The following PCDHA4 variants were observed in gnomAD, a reference collection of about 807,000 sequenced individuals.
PCDHA4 encodes the protein protocadherin alpha 4, also known as protocadherin alpha-4.
Under a neutral mutation model 61.4 loss-of-function variants are expected in PCDHA4, and 49 were observed. The observed-to-expected ratio is 0.80, with a 90% CI of 0.63 to 1.01. The LOEUF (loss-of-function observed/expected upper bound fraction) is 1.01, where lower values mean the gene tolerates loss of function less well. Among genes scored for constraint, PCDHA4 ranks in the 50% least tolerant of loss-of-function variants. The probability of loss-of-function intolerance (pLI) is 0.00; values close to 1 mark genes in which losing one functional copy is unlikely to be tolerated. For synonymous variants in PCDHA4, 590 were observed against 550.3 expected (o/e 1.07, Z -1.01); for missense variants, 1,254 against 1,235.8 (o/e 1.01, Z -0.22).
intron 1 of PCDHA4, chr5:140,823,555 C>A: frequency 6.2e-7 from 1 of 1,613,846 alleles, no homozygotes; most frequent in Non-Finnish European, 8.5e-7. Flanking sequence ...GGCGAAGGTG[C>A]GCGCAGTGGA....
chr5:140,809,353 G>T lies in PCDHA4; in HGVS notation c.2166G>T (p.Arg722=). The T allele has an allele frequency of 6.2e-7, 1 of 1,614,034 alleles. No homozygotes were observed. Among genetic ancestry groups the T allele is most frequent in the South Asian group, 1.1e-5 (1 of 91,078 alleles). ...CGCTGCTGCTGTACACCGCGCTGCG[G>T]TGCTCTGCGCTGCCCACCGAGGGCG... The part of the protein sequence containing the change: ...VLTLLLYTAL[R]CSALPTEGAC... Residue 722 remains arginine, a synonymous_variant, in exon 1 of 4, where the codon CGG becomes CGT. Coordinates refer to ENST00000530339, the MANE Select transcript of PCDHA4 (RefSeq NM_018907.4).
chr5:140,846,187 T>C (rs1336642667), intron 1 of PCDHA4, among the ~76,000 whole-genome samples: 1 of 149,366 alleles, frequency 6.7e-6, no homozygotes, highest in Non-Finnish European at 1.5e-5. Flanking sequence ...GGCGTTTGAG[T>C]TCTTTGTATG....
intron 1 of PCDHA4, chr5:140,835,976 G>T: frequency 6.2e-7 from 1 of 1,613,312 alleles, no homozygotes; most frequent in Non-Finnish European, 8.5e-7. Flanking sequence ...TGGAGCTGTT[G>T]CAGTTCCAGG....
chr5:140,837,617 C>T (rs1249058339), intron 1 of PCDHA4, among the ~76,000 whole-genome samples: 2 of 146,230 alleles, frequency 1.4e-5, no homozygotes, highest in Non-Finnish European at 3.0e-5. Flanking sequence ...TAATTTGCCC[C>T]TTCCTTCCTT....
At chr5:140,827,936 C>T (rs1554130932) in intron 1 of PCDHA4, 4 of 1,115,020 alleles carry the variant, frequency 3.6e-6, no homozygotes, top group Non-Finnish European at 5.1e-6. Context: ...GAAGTTATAG[C>T]TAGCCAACAT....
At chr5:140,916,596 G>A (rs1482287916) in intron 1 of PCDHA4, among the ~76,000 whole-genome samples, 3 of 152,194 alleles carry the variant, frequency 2.0e-5, no homozygotes, top group Non-Finnish European at 4.4e-5. Context: ...GCTAGGGCCT[G>A]GAATGCGGGC....
At chr5:140,995,060 A>C (rs1424126097) in intron 3 of PCDHA4, among the ~76,000 whole-genome samples, 2 of 152,204 alleles carry the variant, frequency 1.3e-5, no homozygotes, top group African/African-American at 2.4e-5. Context: ...AATTTTCAAA[A>C]ATCAACCTAC....
intron 1 of PCDHA4, chr5:140,825,461 A>T (rs1460892772): frequency 6.7e-6 from 1 of 149,438 alleles, no homozygotes; most frequent in Non-Finnish European, 1.5e-5. Context: ...AGATATTTTG[A>T]TACAGAATTT....
At chr5:141,000,389 CTCTCTCTATA>C (rs1363755181) in intron 3 of PCDHA4, among the ~76,000 whole-genome samples, 150 of 62,510 alleles carry the variant, frequency 2.4e-3, no homozygotes, top group African/African-American at 5.3e-3. Context: ...CTCTCTCTCT[CTCTCTCTATA>C]TATATATATA....
At chr5:140,920,746 A>AG (rs1190651507) in intron 1 of PCDHA4, among the ~76,000 whole-genome samples, 2 of 151,430 alleles carry the variant, frequency 1.3e-5, no homozygotes, top group African/African-American at 4.8e-5. Context: ...CAGGAGGCTG[A>AG]GGCAGGAGAA....
intron 1 of PCDHA4, among the ~76,000 whole-genome samples, chr5:140,960,656 G>T (rs553083977): frequency 1.3e-5 from 2 of 152,218 alleles, no homozygotes; most frequent in Admixed American, 1.3e-4. Context: ...CCAAATCAAT[G>T]AATGCTTTGG....
In PCDHA4 at chr5:140,858,841, A is replaced by G. The variant is rs1390112804; in HGVS notation, c.2385+49269A>G. The G allele has an allele frequency of 1.6e-5, 5 of 314,504 alleles. No homozygotes were observed. The East Asian group carries it at 3.7e-4, about 23-fold the overall frequency. 19.5% of individuals were successfully genotyped at this position (314,504 alleles called of 1,614,324 possible). A position where few individuals can be genotyped will look rare whatever the true frequency, so the allele number is the denominator to read the frequency against. ...TGTATTTGCATTACCAAAAAATTCC[A>G]CTGATCTATATCTCTTCAGTGAAAA... On this transcript the variant is annotated intron_variant, in intron 1 of 3. Coordinates refer to ENST00000530339, the MANE Select transcript of PCDHA4 (RefSeq NM_018907.4).
chr5:140,993,128 T>A (rs1250312762), intron 3 of PCDHA4, among the ~76,000 whole-genome samples: 2 of 152,234 alleles, frequency 1.3e-5, no homozygotes, highest in Non-Finnish European at 2.9e-5. Flanking sequence ...AATTTCCTTC[T>A]GTTGCAACAA....
At chr5:140,854,271 A>C in intron 1 of PCDHA4, 5 of 574,086 alleles carry the variant, frequency 8.7e-6, no homozygotes, top group Non-Finnish European at 1.1e-5. Context: ...CATTAGTAGA[A>C]ATTGAGTTTA....
intron 1 of PCDHA4, chr5:140,842,631 C>A: frequency 1.9e-6 from 3 of 1,595,224 alleles, no homozygotes; most frequent in Non-Finnish European, 2.6e-6. Context: ...TCGCTGTGGG[C>A]CACCGCCAGC....
chr5:140,891,270 C>T (rs1049558993), intron 1 of PCDHA4, among the ~76,000 whole-genome samples: 1 of 151,570 alleles, frequency 6.6e-6, no homozygotes, highest in East Asian at 1.9e-4. Context: ...TTAATTTTTC[C>T]GTAAGTTATT....
At chr5:140,876,607 T>A in intron 1 of PCDHA4, 1 of 1,614,186 alleles carries the variant, frequency 6.2e-7, no homozygotes, top group Non-Finnish European at 8.5e-7. Context: ...GGATCGTGAC[T>A]CTGGAGCCAA....
chr5:140,829,280 C>T, intron 1 of PCDHA4: 1 of 1,614,282 alleles, frequency 6.2e-7, no homozygotes, highest in Non-Finnish European at 8.5e-7. Flanking sequence ...CCCTTTCAAG[C>T]TGGTGTCCAC....
At chr5:140,984,408 T>G (rs1394037702) in intron 3 of PCDHA4, among the ~76,000 whole-genome samples, 2 of 152,200 alleles carry the variant, frequency 1.3e-5, no homozygotes, top group African/African-American at 2.4e-5. Flanking sequence ...AACCTATCTT[T>G]TTTACAGAGA....
Sources: gnomAD v4.1 joint callset for allele counts (sites outside exome capture counted in the v4.1 genomes callset) on GRCh38, gnomAD v4.1.1 for gene constraint, MANE v1.5 for transcripts, NCBI Gene and HGNC (gene_info 2026-07-23, HGNC 2026-07-21) for gene names.